The following PREP variants were observed in gnomAD, a reference collection of about 807,000 sequenced individuals.
PREP encodes prolyl endopeptidase.
A neutral mutation model predicts 87.6 loss-of-function variants in PREP; 29 were observed. The observed-to-expected ratio is 0.33, with a 90% CI of 0.25 to 0.45. The LOEUF (loss-of-function observed/expected upper bound fraction) is 0.45, where lower values mean the gene tolerates loss of function less well. PREP is among the 20% of genes least tolerant of loss of function. The probability of loss-of-function intolerance (pLI) is 1.00; values close to 1 mark genes in which losing one functional copy is unlikely to be tolerated. For missense variants in PREP, 695 were observed against 886.5 expected (o/e 0.78, Z 2.74); for synonymous variants, 337 against 328.6 (o/e 1.03, Z -0.28).
At chr6:105,326,511 A>G (rs1467529201) in intron 9 of PREP, among the ~76,000 whole-genome samples, 1 of 152,228 alleles carries the variant, frequency 6.6e-6, no homozygotes, top group African/African-American at 2.4e-5. Flanking sequence ...AGAGTTATCA[A>G]ATGTCTGCAG....
intron 10 of PREP, 73 bp from the exon 11 acceptor site, chr6:105,288,967 A>G (rs1770244300): frequency 2.8e-6 from 4 of 1,447,784 alleles, no homozygotes; most frequent in Non-Finnish European, 3.8e-6. Context: ...AATGGGAAAA[A>G]TAGTAAATTC....
At chr6:105,303,443 T>C (rs989153690) in intron 10 of PREP, among the ~76,000 whole-genome samples, 4 of 152,032 alleles carry the variant, frequency 2.6e-5, no homozygotes, top group African/African-American at 7.3e-5. Context: ...CCAGCCTCTC[T>C]AGTGATATTG....
chr6:105,385,620 A>C (rs989681562), intron 2 of PREP, among the ~76,000 whole-genome samples: 1 of 152,246 alleles, frequency 6.6e-6, no homozygotes, highest in African/African-American at 2.4e-5. Context: ...GATAACTCTA[A>C]GGATGAAGTT....
chr6:105,372,669 C>T (rs1284442102), intron 5 of PREP, among the ~76,000 whole-genome samples: 2 of 152,148 alleles, frequency 1.3e-5, no homozygotes, highest in Admixed American at 6.5e-5. Context: ...CAACAGGTGA[C>T]CTATAACTTC....
At chr6:105,279,747 G>A (rs890321055) in intron 14 of PREP, among the ~76,000 whole-genome samples, 1 of 152,168 alleles carries the variant, frequency 6.6e-6, no homozygotes, top group African/African-American at 2.4e-5. Context: ...CCCTGTGAGA[G>A]CAAGATTTGA....
intron 7 of PREP, among the ~76,000 whole-genome samples, chr6:105,334,436 C>T (rs914741786): frequency 3.9e-5 from 6 of 152,112 alleles, no homozygotes; most frequent in East Asian, 1.9e-4. Flanking sequence ...TGAGGTCTCT[C>T]GGCTGGGCGC....
chr6:105,355,877 C>G lies in PREP; in HGVS notation c.718-2800G>C, dbSNP rs76083245. 3.9e-3 allele frequency among the ~76,000 whole-genome samples: 591 copies of G among 152,192 alleles called. 4 individuals carry two copies. Among genetic ancestry groups the G allele is most frequent in the African/African-American group, 0.013 (553 of 41,530 alleles). ...GCTATAAACAGATAATTTTTCATCT[C>G]AGAGTTTTATTTTTTATCTCTAGAA... On this transcript the variant is annotated intron_variant, in intron 6 of 14. Transcript: ENST00000652536.
chr6:105,302,976 G>T (rs1770576534), intron 10 of PREP, among the ~76,000 whole-genome samples: 1 of 152,064 alleles, frequency 6.6e-6, no homozygotes, highest in Non-Finnish European at 1.5e-5. Context: ...CTGCACAGGG[G>T]CCTTGGCTTC....
At chr6:105,386,915 GA>G (rs560224668) in intron 2 of PREP, among the ~76,000 whole-genome samples, 5 of 152,026 alleles carry the variant, frequency 3.3e-5, no homozygotes, top group Non-Finnish European at 7.4e-5. Context: ...CATGGTGGGG[GA>G]AAAAAAGAAG....
chr6:105,349,026 G>C (rs188575802), intron 7 of PREP, among the ~76,000 whole-genome samples: 7 of 150,566 alleles, frequency 4.6e-5, no homozygotes, highest in Admixed American at 1.3e-4. Flanking sequence ...CTGCTTAGCT[G>C]TTCTGAACAG....
intron 7 of PREP, among the ~76,000 whole-genome samples, chr6:105,349,899 A>T (rs1002182959): frequency 1.2e-5 from 1 of 84,562 alleles, no homozygotes; most frequent in Non-Finnish European, 2.0e-5. Context: ...GGAAGCAGGT[A>T]AAAAAAAAAA....
At chr6:105,352,516 G>A (rs574518015) in intron 7 of PREP, among the ~76,000 whole-genome samples, 38 of 152,148 alleles carry the variant, frequency 2.5e-4, no homozygotes, top group East Asian at 1.9e-3. Context: ...GCAACATTAC[G>A]CCTTTTTTGT....
chr6:105,384,041 A>C (rs925332164), intron 2 of PREP, among the ~76,000 whole-genome samples: 3 of 152,190 alleles, frequency 2.0e-5, no homozygotes, highest in African/African-American at 2.4e-5. Flanking sequence ...ATCACACATT[A>C]AGTTTCATGG....
At chr6:105,324,118 G>T (rs570284000) in intron 9 of PREP, among the ~76,000 whole-genome samples, 21 of 152,298 alleles carry the variant, frequency 1.4e-4, no homozygotes, top group Non-Finnish European at 2.1e-4. Flanking sequence ...CCCAAGCTGG[G>T]TCACTTAGGA....
intron 8 of PREP, among the ~76,000 whole-genome samples, chr6:105,329,704 GC>G (rs1171607723): frequency 9.2e-5 from 14 of 152,340 alleles, no homozygotes; most frequent in Middle Eastern, 3.4e-3. Context: ...AATGTAATAA[GC>G]CCTTGTTATC....
chr6:105,397,077 C>T lies in PREP; in HGVS notation c.120+776G>A, dbSNP rs980224828. Among the ~76,000 whole-genome samples the T allele has an allele frequency of 2.0e-5, 3 of 151,012 alleles. No individual in the cohort carries two copies. In the East Asian group the frequency reaches 5.9e-4, roughly 30 times the overall value. ...GCACATGCCTGTAATCCCAGCTACT[C>T]GGGAGGCTGAGGTACAAGAATTGCT... On this transcript the variant is annotated intron_variant, in intron 2 of 14. Transcript: ENST00000652536.
At chr6:105,377,568 A>AC in intron 2 of PREP, 49 bp from the exon 3 acceptor site, 1 of 1,589,334 alleles carries the variant, frequency 6.3e-7, no homozygotes, top group South Asian at 1.1e-5. Context: ...AAAATTTTCC[A>AC]TGTGAAATAT....
At chr6:105,368,805 C>T in intron 6 of PREP, 98 bp downstream of exon 6, 1 of 1,397,996 alleles carries the variant, frequency 7.2e-7, no homozygotes, top group Non-Finnish European at 9.8e-7. Flanking sequence ...ACTCATGGGA[C>T]TTCTGCCATC....
intron 12 of PREP, among the ~76,000 whole-genome samples, chr6:105,283,659 A>G (rs1770127239): frequency 6.6e-6 from 1 of 152,218 alleles, no homozygotes; most frequent in African/African-American, 2.4e-5. Context: ...AATTAACAGA[A>G]TGGAATTTAG....
Sources: allele counts gnomAD v4.1 joint callset (sites outside exome capture counted in the v4.1 genomes callset), GRCh38; gene constraint gnomAD v4.1.1; transcripts MANE v1.5; gene names NCBI Gene and HGNC (gene_info 2026-07-23, HGNC 2026-07-21).